TNFSF4: variants seen among roughly 807,000 people sequenced by gnomAD.
TNFSF4 encodes tumor necrosis factor ligand superfamily member 4.
A neutral mutation model predicts 7.3 loss-of-function variants in TNFSF4; 4 were observed. That is an observed-to-expected ratio of 0.55 (90% CI 0.27 to 1.25). TNFSF4 has a LOEUF of 1.25. TNFSF4 is among the 50% of genes most tolerant of loss of function. TNFSF4 has a pLI of 0.12. For missense variants in TNFSF4, 181 were observed against 208.8 expected (o/e 0.87, Z 0.82); for synonymous variants, 76 against 83.7 (o/e 0.91, Z 0.50).
chr1:173,337,692 G>A, the TNFSF4 span, among the ~76,000 whole-genome samples: 7 of 152,218 alleles, frequency 4.6e-5, no homozygotes, highest in African/African-American at 1.4e-4. Context: ...CAATGCTCCT[G>A]AGTGTTCATT....
the TNFSF4 span, among the ~76,000 whole-genome samples, chr1:173,314,406 G>C: frequency 6.6e-6 from 1 of 151,988 alleles, no homozygotes; most frequent in East Asian, 1.9e-4. Context: ...GAGAATACTT[G>C]CTAGCCCTCA....
the TNFSF4 span, among the ~76,000 whole-genome samples, chr1:173,272,579 A>C: frequency 6.6e-6 from 1 of 152,120 alleles, no homozygotes; most frequent in Non-Finnish European, 1.5e-5. Context: ...ATGGTGAAAA[A>C]GGACTCTCTA....
At chr1:173,219,875 A>G in the TNFSF4 span, among the ~76,000 whole-genome samples, 1 of 152,222 alleles carries the variant, frequency 6.6e-6, no homozygotes, top group South Asian at 2.1e-4. Flanking sequence ...AGAATGATAC[A>G]ATGGACTTTG....
the TNFSF4 span, chr1:173,362,968 AC>A: frequency 6.6e-6 from 2 of 304,730 alleles, no homozygotes; most frequent in African/African-American, 4.8e-5. Flanking sequence ...TGTGGTTTTG[AC>A]TTTTTTTAAA....
At chr1:173,299,270 C>T in the TNFSF4 span, among the ~76,000 whole-genome samples, 2 of 151,842 alleles carry the variant, frequency 1.3e-5, no homozygotes, top group Non-Finnish European at 2.9e-5. Flanking sequence ...GCATCATTCT[C>T]TGGAAACTGC....
chr1:173,321,717 G>T, the TNFSF4 span, among the ~76,000 whole-genome samples: 3 of 152,082 alleles, frequency 2.0e-5, no homozygotes, highest in East Asian at 1.9e-4. Flanking sequence ...TATAAAAAAG[G>T]TTCATCATCA....
the TNFSF4 span, among the ~76,000 whole-genome samples, chr1:173,328,402 C>T: frequency 6.6e-6 from 1 of 151,496 alleles, no homozygotes; most frequent in African/African-American, 2.4e-5. Flanking sequence ...ATAGGTAATG[C>T]TAAATGACGA....
the TNFSF4 span, among the ~76,000 whole-genome samples, chr1:173,328,412 A>T: frequency 6.6e-6 from 1 of 151,902 alleles, no homozygotes; most frequent in Non-Finnish European, 1.5e-5. Context: ...CTAAATGACG[A>T]GTTAATGGGT....
chr1:173,207,693 T>C (rs1371158351), upstream of TNFSF4, among the ~76,000 whole-genome samples: 1 of 152,182 alleles, frequency 6.6e-6, no homozygotes, highest in African/African-American at 2.4e-5. Context: ...CACTTTACTA[T>C]GTAACTAAAC....
intron 2 of TNFSF4, among the ~76,000 whole-genome samples, chr1:173,187,322 A>T (rs1649273339): frequency 6.6e-6 from 1 of 152,204 alleles, no homozygotes; most frequent in African/African-American, 2.4e-5. Flanking sequence ...TGCTCAGTGG[A>T]TGAACTATGG....
the TNFSF4 span, among the ~76,000 whole-genome samples, chr1:173,300,064 C>T: frequency 6.6e-6 from 1 of 151,460 alleles, no homozygotes; most frequent in South Asian, 2.1e-4. Flanking sequence ...TTGATTATTG[C>T]TCATTATAAT....
the TNFSF4 span, among the ~76,000 whole-genome samples, chr1:173,311,377 T>C: frequency 6.6e-6 from 1 of 151,976 alleles, no homozygotes; most frequent in African/African-American, 2.4e-5. Context: ...AATGCTAAAT[T>C]ATACAGGAGT....
At chr1:173,324,670 T>C in the TNFSF4 span, among the ~76,000 whole-genome samples, 2 of 151,994 alleles carry the variant, frequency 1.3e-5, no homozygotes, top group Non-Finnish European at 2.9e-5. Flanking sequence ...TGGAGGAAGA[T>C]CTACCAAGCA....
chr1:173,410,398 A>G, the TNFSF4 span, among the ~76,000 whole-genome samples: 1 of 152,210 alleles, frequency 6.6e-6, no homozygotes, highest in African/African-American at 2.4e-5. Flanking sequence ...AATTCAAGGA[A>G]TAAGGTTACT....
chr1:173,424,145 T>C, the TNFSF4 span, among the ~76,000 whole-genome samples: 13 of 152,326 alleles, frequency 8.5e-5, no homozygotes, highest in South Asian at 2.1e-4. Context: ...TACTATCACA[T>C]TGGTGATTAA....
the TNFSF4 span, among the ~76,000 whole-genome samples, chr1:173,427,543 G>A: frequency 0.8 from 121,237 of 152,120 alleles, 48,371 homozygotes; most frequent in South Asian, 0.88. Context: ...GAATGTCATC[G>A]GGAAAAAAGA....
At chr1:173,265,124 C>T in the TNFSF4 span, among the ~76,000 whole-genome samples, 2 of 152,092 alleles carry the variant, frequency 1.3e-5, no homozygotes, top group Non-Finnish European at 2.9e-5. Context: ...TTTTAGACCC[C>T]GCAGAAGTTT....
chr1:173,357,057 T>C, the TNFSF4 span, among the ~76,000 whole-genome samples: 1 of 152,174 alleles, frequency 6.6e-6, no homozygotes, highest in Non-Finnish European at 1.5e-5. Context: ...CAAAGATATA[T>C]AAGATACTGA....
chr1:173,277,622 G>A, the TNFSF4 span, among the ~76,000 whole-genome samples: 1 of 152,082 alleles, frequency 6.6e-6, no homozygotes, highest in East Asian at 1.9e-4. Flanking sequence ...GTACAAAGGT[G>A]GATTTGTCTT....
Sources: gnomAD v4.1 joint callset for allele counts (sites outside exome capture counted in the v4.1 genomes callset) on GRCh38, gnomAD v4.1.1 for gene constraint, MANE v1.5 for transcripts, NCBI Gene and HGNC (gene_info 2026-07-23, HGNC 2026-07-21) for gene names.